The following TENM3 variants were observed in gnomAD, a reference collection of about 807,000 sequenced individuals.
TENM3 encodes the protein teneurin transmembrane protein 3, also known as teneurin-3.
A neutral mutation model predicts 255.1 loss-of-function variants in TENM3; 63 were observed. The observed-to-expected ratio is 0.25, with a 90% CI of 0.20 to 0.30. The LOEUF (loss-of-function observed/expected upper bound fraction) is 0.30, where lower values mean the gene tolerates loss of function less well. Among genes scored for constraint, TENM3 ranks in the 10% least tolerant of loss-of-function variants. The pLI is 1.00. For missense variants in TENM3, 2,929 were observed against 3,461.1 expected, an observed-to-expected ratio of 0.85 and a Z score of 3.86; for synonymous variants, 1,306 against 1,322.3, an observed-to-expected ratio of 0.99 and a Z score of 0.27.
At chr4:181,728,863 GTT>G in the TENM3 span, among the ~76,000 whole-genome samples, 1 of 152,152 alleles carries the variant, frequency 6.6e-6, no homozygotes, top group South Asian at 2.1e-4. Flanking sequence ...GACAGTAGTA[GTT>G]TATATGGCTT....
At chr4:181,997,189 C>T in the TENM3 span, among the ~76,000 whole-genome samples, 1 of 152,156 alleles carries the variant, frequency 6.6e-6, no homozygotes, top group Non-Finnish European at 1.5e-5. Flanking sequence ...GACTTTCTAA[C>T]ATCTCTAGTT....
the TENM3 span, among the ~76,000 whole-genome samples, chr4:181,778,496 C>G: frequency 2.0e-5 from 3 of 152,106 alleles, no homozygotes; most frequent in Non-Finnish European, 4.4e-5. Flanking sequence ...AAAAGGTTTT[C>G]TGGTGTTTAG....
chr4:182,661,422 A>G (rs943267757), intron 6 of TENM3, among the ~76,000 whole-genome samples: 8 of 152,098 alleles, frequency 5.3e-5, no homozygotes, highest in Middle Eastern at 6.3e-3. Context: ...AGCAGGTTGC[A>G]GATTCCCTGT....
the TENM3 span, among the ~76,000 whole-genome samples, chr4:182,059,000 G>T: frequency 6.8e-6 from 1 of 146,154 alleles, no homozygotes; most frequent in African/African-American, 2.6e-5. Flanking sequence ...AGCTAGAGTT[G>T]ACTAAGCAGA....
the TENM3 span, among the ~76,000 whole-genome samples, chr4:182,035,434 G>C: frequency 6.6e-6 from 1 of 152,116 alleles, no homozygotes; most frequent in East Asian, 1.9e-4. Context: ...TTTAATTGTA[G>C]CATTTATCTT....
chr4:181,823,941 G>C, the TENM3 span, among the ~76,000 whole-genome samples: 1 of 152,038 alleles, frequency 6.6e-6, no homozygotes, highest in Non-Finnish European at 1.5e-5. Context: ...AAAGGCTTTT[G>C]AAGTGATGGC....
chr4:181,531,227 A>C, the TENM3 span, among the ~76,000 whole-genome samples: 4 of 152,214 alleles, frequency 2.6e-5, no homozygotes, highest in African/African-American at 9.6e-5. Context: ...TTATAGAGCA[A>C]GGAAGGGGGA....
the TENM3 span, among the ~76,000 whole-genome samples, chr4:181,570,443 A>G: frequency 6.6e-6 from 1 of 151,958 alleles, no homozygotes; most frequent in Non-Finnish European, 1.5e-5. Context: ...CAAGGCTGCA[A>G]TGAACCATGA....
intron 13 of TENM3, 96 bp downstream of exon 13, chr4:182,714,329 A>C: frequency 5.0e-6 from 5 of 996,348 alleles, no homozygotes; most frequent in African/African-American, 1.7e-5. Context: ...AAAAAAAAAA[A>C]AAAAAAAAAA....
the TENM3 span, among the ~76,000 whole-genome samples, chr4:181,729,083 G>A: frequency 1.3e-5 from 2 of 152,044 alleles, no homozygotes; most frequent in Non-Finnish European, 2.9e-5. Flanking sequence ...TTAATAGAGG[G>A]AAGTGAAGAA....
chr4:182,476,397 A>G lies in TENM3; in HGVS notation c.512-124527A>G, dbSNP rs72999394. On this transcript the variant is annotated intron_variant, in intron 3 of 27. Transcript: ENST00000511685. ...ACCTGATAGCATATTAAAGTATTTA[A>G]GACAGGCTTGATGATTTCTGTGATG... Among the ~76,000 whole-genome samples, 1,055 of 152,312 alleles carry G rather than the reference A, an allele frequency of 6.9e-3. 13 individuals are homozygous for G. Among genetic ancestry groups the G allele is most frequent in the African/African-American group, 0.024 (1,001 of 41,572 alleles).
intron 3 of TENM3, among the ~76,000 whole-genome samples, chr4:182,495,866 G>A (rs1263950384): frequency 6.6e-6 from 1 of 152,074 alleles, no homozygotes; most frequent in Non-Finnish European, 1.5e-5. Context: ...TGAATATCCC[G>A]TCCCTAATTA....
intron 3 of TENM3, among the ~76,000 whole-genome samples, chr4:182,457,186 CAA>C (rs34395020): frequency 1.4e-4 from 14 of 96,976 alleles, no homozygotes; most frequent in Admixed American, 2.0e-4. Flanking sequence ...CTCTGTCTCT[CAA>C]AAAAAAAAAA....
chr4:182,799,588 G>GC lies in TENM3; in HGVS notation c.7345-5dup, dbSNP rs1766753445. On this transcript the variant is annotated splice_polypyrimidine_tract_variant and splice_region_variant and intron_variant, in intron 27 of 27. Coordinates refer to ENST00000511685, the MANE Select transcript of TENM3 (RefSeq NM_001080477.4). This position sits in a 1 kb window ranked among gnomAD's most constrained non-coding sequence, Gnocchi z 4.2. ...TCTGACGCGCCCCCTCTTTTGTTTC[G>GC]CCCGCAGCCCATCTTCGGAGTCCAG... is the stretch of plus-strand genomic sequence containing the variant. 2 of 1,535,018 alleles carry GC rather than the reference G, an allele frequency of 1.3e-6. No homozygotes were observed. Among genetic ancestry groups the GC allele is most frequent in the South Asian group, 2.4e-5 (2 of 83,864 alleles).
chr4:182,041,177 G>A, the TENM3 span, among the ~76,000 whole-genome samples: 3 of 151,972 alleles, frequency 2.0e-5, no homozygotes, highest in African/African-American at 7.2e-5. Context: ...AGGCTATCTC[G>A]TGCTGTGTGT....
At chr4:181,449,395 A>G in the TENM3 span, among the ~76,000 whole-genome samples, 3 of 152,192 alleles carry the variant, frequency 2.0e-5, no homozygotes, top group Non-Finnish European at 4.4e-5. Flanking sequence ...TGGGTAGTCT[A>G]ATTATTTCAA....
chr4:182,297,960 C>G (rs1351043670), intron 1 of TENM3, among the ~76,000 whole-genome samples: 3 of 152,216 alleles, frequency 2.0e-5, no homozygotes, highest in Non-Finnish European at 4.4e-5. Flanking sequence ...CCACACGAGG[C>G]CTGTGCTGCG....
At chr4:182,708,533 C>G (rs1381377226) in intron 12 of TENM3, among the ~76,000 whole-genome samples, 1 of 152,208 alleles carries the variant, frequency 6.6e-6, no homozygotes, top group East Asian at 1.9e-4. Context: ...GGCGTGGTGG[C>G]TCACGCCTGT....
At chr4:181,778,834 C>A in the TENM3 span, among the ~76,000 whole-genome samples, 1 of 152,102 alleles carries the variant, frequency 6.6e-6, no homozygotes, top group African/African-American at 2.4e-5. Context: ...TGGAATTTCG[C>A]CCTCAGGTTG....
Sources: allele counts gnomAD v4.1 joint callset (sites outside exome capture counted in the v4.1 genomes callset), GRCh38; gene constraint gnomAD v4.1.1; non-coding constraint Gnocchi (gnomAD v3.1); transcripts MANE v1.5; gene names NCBI Gene and HGNC (gene_info 2026-07-23, HGNC 2026-07-21).